Variants in F13A1 observed in about 807,000 individuals in gnomAD.
The protein encoded by F13A1 is coagulation factor XIII A chain.
A neutral mutation model predicts 80.1 loss-of-function variants in F13A1; 47 were observed. That is an observed-to-expected ratio of 0.59 (90% confidence interval 0.46 to 0.75). The LOEUF (loss-of-function observed/expected upper bound fraction) is 0.75. F13A1 is among the 30% of genes least tolerant of loss of function. The pLI is 0.00. For missense variants in F13A1, 817 were observed against 930.4 expected (o/e 0.88, Z 1.59); for synonymous variants, 349 against 344.9 (o/e 1.01, Z -0.13).
In F13A1 at chr6:6,305,337, C is replaced by T. The variant is rs745795989; in HGVS notation, c.319+14G>A. The T allele has an allele frequency of 5.6e-6, 9 of 1,614,124 alleles. No homozygotes were observed. The South Asian group carries it at 7.7e-5, about 14-fold the overall frequency. ...CCCATGGTGTCAAGACTGGAGCTTG[C>T]ACATGGCACTCACCAATGACGTATT... On this transcript the variant is annotated intron_variant, in intron 3 of 14. Coordinates refer to ENST00000264870, the MANE Select transcript of F13A1 (RefSeq NM_000129.4).
chr6:6,193,095 A>G (rs1248257158), intron 10 of F13A1, among the ~76,000 whole-genome samples: 1 of 152,110 alleles, frequency 6.6e-6, no homozygotes, highest in Non-Finnish European at 1.5e-5. Context: ...CAGGGAGGAC[A>G]TGGGAAGGGA....
rs192976924 is a variant in F13A1, at chr6:6,253,972, C to T, written c.572-3043G>A. On this transcript the variant is annotated intron_variant, in intron 4 of 14. Transcript: ENST00000264870. ...CACATGTGTGTCTCTCCCTGACGAT[C>T]TTTATTTCACCTGACATGTTCCAGA... is the stretch of plus-strand genomic sequence containing the variant. Among the ~76,000 whole-genome samples the T allele has an allele frequency of 6.8e-4, 103 of 152,264 alleles. 1 individual carries two copies. The highest frequency in any genetic ancestry group is 1.1e-3 in the Non-Finnish European group (76 of 68,008).
intron 6 of F13A1, among the ~76,000 whole-genome samples, chr6:6,246,757 A>C (rs920596174): frequency 1.3e-5 from 2 of 152,210 alleles, no homozygotes; most frequent in African/African-American, 4.8e-5. Context: ...TCTGCTAGGC[A>C]GTGATTTCTG....
chr6:6,246,384 A>C (rs1239788846), intron 6 of F13A1, among the ~76,000 whole-genome samples: 1 of 152,308 alleles, frequency 6.6e-6, no homozygotes, highest in East Asian at 1.9e-4. Context: ...TAGAGGTGAA[A>C]GTGTTTTTGA....
At chr6:6,208,410 TTGA>T (rs200319455) in intron 8 of F13A1, among the ~76,000 whole-genome samples, 2,240 of 152,258 alleles carry the variant, frequency 0.015, 38 homozygotes, top group Middle Eastern at 0.054. Flanking sequence ...ACTTATGCAG[TTGA>T]TGAAGTATAT....
intron 10 of F13A1, among the ~76,000 whole-genome samples, chr6:6,194,470 C>T (rs1761255410): frequency 6.6e-6 from 1 of 152,148 alleles, no homozygotes; most frequent in Non-Finnish European, 1.5e-5. Flanking sequence ...CCATGTGGTC[C>T]CACAGTTCTC....
At chr6:6,305,561 G>C in intron 2 of F13A1, 22 bp from the exon 3 acceptor site, 1 of 1,612,824 alleles carries the variant, frequency 6.2e-7, no homozygotes, top group Non-Finnish European at 8.5e-7. Flanking sequence ...AAAAACAAGG[G>C]TTGAAGAAAA....
At chr6:6,185,130 T>TC (rs1491233180) in intron 10 of F13A1, among the ~76,000 whole-genome samples, 26 of 64,576 alleles carry the variant, frequency 4.0e-4, no homozygotes, top group Non-Finnish European at 5.5e-4. Flanking sequence ...AATCTCTCTC[T>TC]TTTTTTTTTT....
chr6:6,267,519 C>T (rs937507323), intron 3 of F13A1, among the ~76,000 whole-genome samples: 1 of 152,124 alleles, frequency 6.6e-6, no homozygotes, highest in Non-Finnish European at 1.5e-5. Flanking sequence ...CCCTTTTTAC[C>T]AGAGGCTTTG....
At chr6:6,210,420 C>T (rs1181223289) in intron 8 of F13A1, among the ~76,000 whole-genome samples, 1 of 146,526 alleles carries the variant, frequency 6.8e-6, no homozygotes, top group Admixed American at 6.9e-5. Context: ...TCTCGGCTCA[C>T]TGAAAGCTCC....
chr6:6,282,341 C>G (rs904061886), intron 3 of F13A1, among the ~76,000 whole-genome samples: 1 of 152,144 alleles, frequency 6.6e-6, no homozygotes, highest in African/African-American at 2.4e-5. Context: ...AACAGTCCAA[C>G]TGGCAAAATC....
chr6:6,202,107 G>A (rs894771264), intron 8 of F13A1, among the ~76,000 whole-genome samples: 4 of 150,738 alleles, frequency 2.7e-5, no homozygotes, highest in Non-Finnish European at 5.9e-5. Context: ...GCAAACATTT[G>A]AAATTTACTC....
intron 3 of F13A1, among the ~76,000 whole-genome samples, chr6:6,270,760 C>A (rs1422936918): frequency 6.6e-6 from 1 of 151,782 alleles, no homozygotes; most frequent in Non-Finnish European, 1.5e-5. Context: ...TGAAAGGAGA[C>A]AAGAGAAGAA....
chr6:6,241,474 G>A (rs192333884), intron 6 of F13A1, among the ~76,000 whole-genome samples: 1 of 152,138 alleles, frequency 6.6e-6, no homozygotes, highest in East Asian at 1.9e-4. Flanking sequence ...GGGGTAACAA[G>A]GTATTATTAC....
chr6:6,209,323 T>TAAAAAAAAAAAA (rs34436663), intron 8 of F13A1, among the ~76,000 whole-genome samples: 3 of 131,808 alleles, frequency 2.3e-5, no homozygotes, highest in South Asian at 2.4e-4. Context: ...CAATAATAAT[T>TAAAAAAAAAAAA]AAAAAAAAAA....
At chr6:6,168,991 G>A (rs114915794) in intron 12 of F13A1, among the ~76,000 whole-genome samples, 1,696 of 152,346 alleles carry the variant, frequency 0.011, 32 homozygotes, top group African/African-American at 0.036. Flanking sequence ...CTTTACAGAT[G>A]CGTAAGTGCT....
intron 10 of F13A1, among the ~76,000 whole-genome samples, chr6:6,189,456 A>C (rs1216661922): frequency 7.7e-6 from 1 of 130,510 alleles, no homozygotes; most frequent in East Asian, 2.4e-4. Context: ...TTGTCTGTAA[A>C]GTATTTTATT....
intron 3 of F13A1, among the ~76,000 whole-genome samples, chr6:6,302,844 A>C (rs560634309): frequency 6.6e-6 from 1 of 152,346 alleles, no homozygotes; most frequent in African/African-American, 2.4e-5. Flanking sequence ...GTGGCACATA[A>C]CTGTACATGG....
intron 3 of F13A1, among the ~76,000 whole-genome samples, chr6:6,270,877 A>G (rs890101324): frequency 6.6e-6 from 1 of 152,246 alleles, no homozygotes; most frequent in Non-Finnish European, 1.5e-5. Flanking sequence ...GGAGGTAACA[A>G]CTGAGTGAGT....
Sources: allele counts gnomAD v4.1 joint callset (sites outside exome capture counted in the v4.1 genomes callset), GRCh38; gene constraint gnomAD v4.1.1; transcripts MANE v1.5; gene names NCBI Gene and HGNC (gene_info 2026-07-23, HGNC 2026-07-21).